Variants in FGF14 observed in about 807,000 individuals in gnomAD.
The protein encoded by FGF14 is fibroblast growth factor homologous factor 4.
FGF14 carries 5 observed loss-of-function variants against 25.5 expected under a neutral mutation model. That is an observed-to-expected ratio of 0.20 (90% CI 0.10 to 0.41). The LOEUF (loss-of-function observed/expected upper bound fraction) is 0.41, where lower values mean the gene tolerates loss of function less well. Ranked by LOEUF, FGF14 falls within the 10% of genes least tolerant of loss-of-function variation. FGF14 has a pLI of 1.00. For synonymous variants in FGF14, 138 were observed against 118.3 expected, an observed-to-expected ratio of 1.17 and a Z score of -1.08; for missense variants, 222 against 320.1, an observed-to-expected ratio of 0.69 and a Z score of 2.34.
intron 1 of FGF14, among the ~76,000 whole-genome samples, chr13:102,057,067 T>C (rs1392518498): frequency 2.0e-5 from 3 of 151,998 alleles, no homozygotes; most frequent in African/African-American, 4.8e-5. Flanking sequence ...ATATGGTTTA[T>C]GTGACTTTTT....
chr13:101,852,490 A>G (rs1278232269), intron 3 of FGF14, among the ~76,000 whole-genome samples: 5 of 152,156 alleles, frequency 3.3e-5, no homozygotes, highest in Non-Finnish European at 7.4e-5. Context: ...CAATGACAAG[A>G]CAGTGTGAAA....
intron 1 of FGF14, among the ~76,000 whole-genome samples, chr13:102,315,001 TA>T (rs2055950736): frequency 6.7e-6 from 1 of 150,008 alleles, no homozygotes; most frequent in Admixed American, 6.7e-5. Context: ...TAATGTATAA[TA>T]AAAGATTCAC....
chr13:102,129,637 T>C (rs2140404039), intron 1 of FGF14, among the ~76,000 whole-genome samples: 1 of 152,210 alleles, frequency 6.6e-6, no homozygotes, highest in East Asian at 1.9e-4. Context: ...CAAAAAATTC[T>C]TACTGATAAT....
rs114552441 is a variant in FGF14, at chr13:102,400,842, C to A, written c.208+629G>T. 0.024 allele frequency among the ~76,000 whole-genome samples: 3,614 copies of A among 152,020 alleles called. 138 individuals carry two copies. The highest frequency in any genetic ancestry group is 0.083 in the African/African-American group (3,449 of 41,452). ...GTCCTCTCAGTCTGGGGTTCCCTCC[C>A]GGCGCAAGCCTTGCTCAAGTATTCC... On this transcript the variant is annotated intron_variant, in intron 1 of 4. Transcript: ENST00000376131. This position sits in a 1 kb window ranked among gnomAD's most constrained non-coding sequence, Gnocchi z 4.3.
chr13:102,055,623 G>C (rs2042395419), intron 1 of FGF14, among the ~76,000 whole-genome samples: 1 of 152,102 alleles, frequency 6.6e-6, no homozygotes, highest in South Asian at 2.1e-4. Flanking sequence ...CCACACCCAT[G>C]ATACATTTAT....
At chr13:102,028,341 A>C (rs1432712206) in intron 1 of FGF14, among the ~76,000 whole-genome samples, 2 of 152,096 alleles carry the variant, frequency 1.3e-5, no homozygotes, top group Non-Finnish European at 2.9e-5. Context: ...TTTACAAAAA[A>C]GACCCAGGGG....
intron 3 of FGF14, among the ~76,000 whole-genome samples, chr13:101,819,419 C>A (rs1343056105): frequency 6.6e-6 from 1 of 152,116 alleles, no homozygotes; most frequent in African/African-American, 2.4e-5. Flanking sequence ...GGGAATCTTG[C>A]CCCAAAATTG....
At chr13:102,003,549 G>A (rs1474393234) in intron 1 of FGF14, among the ~76,000 whole-genome samples, 1 of 152,058 alleles carries the variant, frequency 6.6e-6, no homozygotes, top group Non-Finnish European at 1.5e-5. Context: ...CACAAGATAA[G>A]CTTAGTTTCT....
chr13:102,273,650 A>C (rs1594670187), intron 1 of FGF14, among the ~76,000 whole-genome samples: 1 of 152,330 alleles, frequency 6.6e-6, no homozygotes, highest in Non-Finnish European at 1.5e-5. Context: ...TTATTTTTTA[A>C]CTGATCAAGC....
intron 1 of FGF14, among the ~76,000 whole-genome samples, chr13:102,105,939 A>G (rs1250584547): frequency 6.6e-6 from 1 of 152,188 alleles, no homozygotes; most frequent in East Asian, 1.9e-4. Flanking sequence ...TGCAATCAAT[A>G]TTTTGCATAC....
At chr13:102,147,032 TAATA>T (rs202100917) in intron 1 of FGF14, among the ~76,000 whole-genome samples, 2 of 152,232 alleles carry the variant, frequency 1.3e-5, no homozygotes, top group East Asian at 3.9e-4. Flanking sequence ...GAAGCTCTTT[TAATA>T]AATAAATAGC....
chr13:102,187,383 A>C (rs2048919963), intron 1 of FGF14, among the ~76,000 whole-genome samples: 1 of 152,208 alleles, frequency 6.6e-6, no homozygotes, highest in South Asian at 2.1e-4. Flanking sequence ...ACCTATGTCC[A>C]AACATTTTAA....
chr13:101,751,944 C>CA (rs942305173), intron 3 of FGF14, among the ~76,000 whole-genome samples: 13 of 151,618 alleles, frequency 8.6e-5, no homozygotes, highest in Non-Finnish European at 1.3e-4. Flanking sequence ...AACAAACAAA[C>CA]AAAAAAAACA....
intron 1 of FGF14, among the ~76,000 whole-genome samples, chr13:102,270,217 T>C (rs2053181853): frequency 6.6e-6 from 1 of 152,112 alleles, no homozygotes; most frequent in Non-Finnish European, 1.5e-5. Context: ...GAAACATCCA[T>C]ATAGTAAATG....
chr13:101,986,049 C>A (rs2038559731), intron 1 of FGF14, among the ~76,000 whole-genome samples: 1 of 151,922 alleles, frequency 6.6e-6, no homozygotes, highest in Non-Finnish European at 1.5e-5. Context: ...ATTAATTTTG[C>A]CTGGAGAAGA....
chr13:102,020,526 A>G (rs1280954046), intron 1 of FGF14, among the ~76,000 whole-genome samples: 1 of 151,984 alleles, frequency 6.6e-6, no homozygotes, highest in Non-Finnish European at 1.5e-5. Context: ...CAGTCTGGGC[A>G]ATCAGAGTGA....
chr13:102,012,424 G>A (rs1424378163), intron 1 of FGF14, among the ~76,000 whole-genome samples: 2 of 152,104 alleles, frequency 1.3e-5, no homozygotes, highest in Non-Finnish European at 2.9e-5. Context: ...CTGGGCCTTT[G>A]GAGAATTTTT....
At chr13:101,925,622 A>T (rs1398725720) in intron 1 of FGF14, among the ~76,000 whole-genome samples, 1 of 152,238 alleles carries the variant, frequency 6.6e-6, no homozygotes, top group African/African-American at 2.4e-5. Flanking sequence ...ATAATTTTAA[A>T]TTAATGCCTT....
At chr13:102,164,275 C>A (rs1321564865) in intron 1 of FGF14, among the ~76,000 whole-genome samples, 1 of 152,136 alleles carries the variant, frequency 6.6e-6, no homozygotes, top group African/African-American at 2.4e-5. Flanking sequence ...AAGCAGTGTG[C>A]ATTTTATTTT....
Sources: allele counts gnomAD v4.1 joint callset (sites outside exome capture counted in the v4.1 genomes callset), GRCh38; gene constraint gnomAD v4.1.1; non-coding constraint Gnocchi (gnomAD v3.1); transcripts MANE v1.5; gene names NCBI Gene and HGNC (gene_info 2026-07-23, HGNC 2026-07-21).